The following CUX1 variants were observed in gnomAD, a reference collection of about 807,000 sequenced individuals.
CUX1 encodes the protein cut like homeobox 1.
Under a neutral mutation model 158.8 loss-of-function variants are expected in CUX1, and 31 were observed. The observed-to-expected ratio is 0.20, with a 90% CI of 0.15 to 0.26. CUX1 has a LOEUF of 0.26. Among genes scored for constraint, CUX1 ranks in the 10% least tolerant of loss-of-function variants. The pLI, the probability that CUX1 is intolerant of heterozygous loss-of-function variation, is 1.00. For synonymous variants in CUX1, 879 were observed against 862.1 expected (o/e 1.02, Z -0.34); for missense variants, 1,589 against 2,014.6 (o/e 0.79, Z 4.04).
intron 2 of CUX1, among the ~76,000 whole-genome samples, chr7:101,983,977 T>C (rs1479503569): frequency 2.0e-5 from 3 of 148,388 alleles, no homozygotes; most frequent in Non-Finnish European, 4.5e-5. Context: ...GAGGTTACAG[T>C]GAGCTGAGAT....
chr7:101,904,133 C>T (rs1344175017), intron 1 of CUX1, among the ~76,000 whole-genome samples: 3 of 151,468 alleles, frequency 2.0e-5, no homozygotes, highest in African/African-American at 7.3e-5. Context: ...CACACACACA[C>T]ACACACACAC....
intron 2 of CUX1, among the ~76,000 whole-genome samples, chr7:101,973,173 C>T (rs368919392): frequency 4.7e-4 from 71 of 152,260 alleles, no homozygotes; most frequent in African/African-American, 1.6e-3. Context: ...CAGAGCCAGG[C>T]CTGCTTTTCC....
chr7:102,159,841 T>G (rs1033020087), intron 9 of CUX1, among the ~76,000 whole-genome samples: 3 of 147,332 alleles, frequency 2.0e-5, no homozygotes, highest in Non-Finnish European at 4.5e-5. Flanking sequence ...GAGCAGAAAC[T>G]CCATCTCAAA....
chr7:101,977,965 G>GT (rs1270750003), intron 2 of CUX1, among the ~76,000 whole-genome samples: 61 of 147,774 alleles, frequency 4.1e-4, no homozygotes, highest in Non-Finnish European at 5.4e-4. Flanking sequence ...TTCTTAAAAC[G>GT]TTTTTTTTTT....
At chr7:101,947,547 G>A (rs1156901375) in intron 2 of CUX1, among the ~76,000 whole-genome samples, 2 of 152,174 alleles carry the variant, frequency 1.3e-5, no homozygotes, top group Non-Finnish European at 2.9e-5. Context: ...CAACGTATTA[G>A]ACAGGCAACA....
chr7:102,105,504 CTTTT>C (rs781922611), intron 6 of CUX1, among the ~76,000 whole-genome samples: 2 of 85,876 alleles, frequency 2.3e-5, no homozygotes, highest in Non-Finnish European at 2.1e-5. Flanking sequence ...CCATATAGAT[CTTTT>C]TTTTTTTTTT....
At chr7:101,918,524 C>A (rs1804506649) in intron 2 of CUX1, among the ~76,000 whole-genome samples, 1 of 152,242 alleles carries the variant, frequency 6.6e-6, no homozygotes. Context: ...GACCCCGCCA[C>A]TGCCAGTGGG....
At chr7:101,842,111 ATGT>A (rs925521463) in intron 1 of CUX1, among the ~76,000 whole-genome samples, 4 of 152,092 alleles carry the variant, frequency 2.6e-5, no homozygotes, top group Admixed American at 2.0e-4. Context: ...GCTTTTAAAA[ATGT>A]TGTTGCTGTC....
At chr7:101,901,396 C>T (rs188942234) in intron 1 of CUX1, among the ~76,000 whole-genome samples, 25 of 152,154 alleles carry the variant, frequency 1.6e-4, no homozygotes, top group African/African-American at 5.8e-4. Flanking sequence ...AGGGTTCTAG[C>T]GATTCTCCTG....
At chr7:102,181,738 T>A (rs182581121) in intron 11 of CUX1, among the ~76,000 whole-genome samples, 2 of 152,336 alleles carry the variant, frequency 1.3e-5, no homozygotes, top group African/African-American at 4.8e-5. Context: ...ATTGTCCTGA[T>A]ACGAAACCCA....
At chr7:102,110,921 A>G (rs1322624923) in intron 6 of CUX1, among the ~76,000 whole-genome samples, 1 of 152,168 alleles carries the variant, frequency 6.6e-6, no homozygotes, top group Non-Finnish European at 1.5e-5. Context: ...ATTTGATTAC[A>G]TCCCTGAGTG....
chr7:101,863,781 G>A (rs1232687503), intron 1 of CUX1, among the ~76,000 whole-genome samples: 2 of 152,130 alleles, frequency 1.3e-5, no homozygotes, highest in Non-Finnish European at 2.9e-5. Flanking sequence ...TAGGTCCCTC[G>A]TCTAAGTGGA....
intron 1 of CUX1, among the ~76,000 whole-genome samples, chr7:101,825,334 G>A (rs760075836): frequency 8.5e-5 from 13 of 152,284 alleles, no homozygotes; most frequent in Non-Finnish European, 1.5e-4. Flanking sequence ...ATCTCAACTC[G>A]TTGCTTACAC....
At chr7:101,905,893 G>C (rs1319343395) in intron 1 of CUX1, among the ~76,000 whole-genome samples, 5 of 151,654 alleles carry the variant, frequency 3.3e-5, no homozygotes, top group African/African-American at 1.2e-4. Flanking sequence ...TTGCTCTGTC[G>C]CCCAGGCTGG....
At chr7:102,189,664 A>G in intron 11 of CUX1, 149 bp from the exon 12 acceptor site, 1 of 796,674 alleles carries the variant, frequency 1.3e-6, no homozygotes, top group Middle Eastern at 3.6e-4. Context: ...CGTGAGGGAC[A>G]AAAGATGGCC....
intron 11 of CUX1, among the ~76,000 whole-genome samples, chr7:102,188,129 T>G (rs1463644280): frequency 1.3e-5 from 2 of 151,490 alleles, no homozygotes; most frequent in Non-Finnish European, 2.9e-5. Flanking sequence ...AGCCCAGGAG[T>G]TGGAGGCTGT....
intron 14 of CUX1, among the ~76,000 whole-genome samples, chr7:102,265,672 A>G (rs923335303): frequency 2.0e-5 from 3 of 152,052 alleles, no homozygotes; most frequent in Non-Finnish European, 4.4e-5. Flanking sequence ...GACTCAAGCA[A>G]TCTTCCTGCC....
chr7:101,847,400 C>T (rs1300274947), intron 1 of CUX1, among the ~76,000 whole-genome samples: 2 of 152,166 alleles, frequency 1.3e-5, no homozygotes, highest in Non-Finnish European at 2.9e-5. Flanking sequence ...ATGCGTCCCA[C>T]TGTCTAGGCA....
chr7:102,206,599 T>A (rs186438278), intron 20 of CUX1, among the ~76,000 whole-genome samples: 1 of 152,210 alleles, frequency 6.6e-6, no homozygotes, highest in Non-Finnish European at 1.5e-5. Context: ...GTATTCTAGA[T>A]CAAAACCCCT....
Sources: allele counts gnomAD v4.1 joint callset (sites outside exome capture counted in the v4.1 genomes callset), GRCh38; gene constraint gnomAD v4.1.1; transcripts MANE v1.5; gene names NCBI Gene and HGNC (gene_info 2026-07-23, HGNC 2026-07-21).